Variants in ZNF248 observed in about 807,000 individuals in gnomAD.
The protein encoded by ZNF248 is KRAB protein domain.
ZNF248 carries 20 observed loss-of-function variants against 44.3 expected under a neutral mutation model. That is an observed-to-expected ratio of 0.45 (90% CI 0.32 to 0.66). The LOEUF (loss-of-function observed/expected upper bound fraction) is 0.66, where lower values mean the gene tolerates loss of function less well. ZNF248 is among the 30% of genes least tolerant of loss of function. ZNF248 has a pLI of 0.04. For missense variants in ZNF248, 654 were observed against 677.0 expected, an observed-to-expected ratio of 0.97 and a Z score of 0.38; for synonymous variants, 224 against 229.0, an observed-to-expected ratio of 0.98 and a Z score of 0.20.
intron 6 of ZNF248, among the ~76,000 whole-genome samples, chr10:37,816,051 A>G (rs2052406369): frequency 6.6e-6 from 1 of 152,034 alleles, no homozygotes; most frequent in Admixed American, 6.5e-5. Flanking sequence ...AAGTCTTTAA[A>G]TCCTCAGGAA....
At chr10:37,771,953 A>G (rs569833120), downstream of ZNF248, among the ~76,000 whole-genome samples, 94 of 152,148 alleles carry the variant, frequency 6.2e-4, no homozygotes, top group African/African-American at 2.2e-3. Context: ...AACCCCTAAG[A>G]CATTTTGCAA....
Position 37,828,991 on chromosome 10 carries a change from AT to A in ZNF248, c.*2623del, listed in dbSNP as rs2054897307. On this transcript the variant is annotated 3_prime_UTR_variant, in exon 6 of 6. Coordinates refer to ENST00000395867, the MANE Select transcript of ZNF248 (RefSeq NM_021045.3). The stretch of plus-strand genomic sequence containing the variant: ...AACTTGCAACTAGTAGAATAACTTT[AT>A]TTCTAACACTGAGCCTTCTACATAG... 2.0e-6 allele frequency: 2 copies of A among 985,488 alleles called. No individual in the cohort carries two copies. The highest frequency in any genetic ancestry group is 2.4e-6 in the Non-Finnish European group (2 of 829,940). 61.0% of individuals were successfully genotyped at this position (985,488 alleles called of 1,614,324 possible).
the ZNF248 span, among the ~76,000 whole-genome samples, chr10:37,758,835 A>AC: frequency 6.6e-6 from 1 of 152,204 alleles, no homozygotes; most frequent in Non-Finnish European, 1.5e-5. Flanking sequence ...ATGTAGCTTA[A>AC]CTGTAAAATC....
downstream of ZNF248, among the ~76,000 whole-genome samples, chr10:37,823,993 C>A (rs1148282): frequency 1.3e-5 from 2 of 151,928 alleles, no homozygotes; most frequent in African/African-American, 4.8e-5. Context: ...GTCAGTTTTC[C>A]AGAAAAATTG....
chr10:37,837,909 T>C (rs760168248), intron 4 of ZNF248, 76 bp downstream of exon 4: 2 of 1,556,046 alleles, frequency 1.3e-6, no homozygotes, highest in Non-Finnish European at 1.7e-6. Flanking sequence ...ATCTCAAGCT[T>C]TACATCAGAA....
the ZNF248 span, among the ~76,000 whole-genome samples, chr10:37,767,093 G>A: frequency 2.4e-4 from 37 of 152,238 alleles, no homozygotes; most frequent in African/African-American, 8.7e-4. Context: ...AAAAAGAAAC[G>A]AGCAAAGCCT....
Position 37,820,010 on chromosome 10 carries a change from C to T in ZNF248, c.330+13015G>A, listed in dbSNP as rs2053199527. On this transcript the variant is annotated intron_variant, in intron 6 of 6. Transcript: ENST00000615949. ...CTCTTATCTCTACATGCCATCTTCTCTTTTTGACTTTTCTATGAGGACTTT... is the reference window on the plus strand; with the variant it reads ...CTCTTATCTCTACATGCCATCTTCTTTTTTTGACTTTTCTATGAGGACTTT... The T allele has an allele frequency of 3.8e-6, 3 of 782,078 alleles. No individual in the cohort carries two copies. In the African/African-American group the frequency reaches 5.1e-5, roughly 13 times the overall value. The allele number at this position is 782,078 out of a possible 1,614,324, so 48.4% of individuals were successfully genotyped here.
intron 6 of ZNF248, among the ~76,000 whole-genome samples, chr10:37,792,550 C>G (rs562730432): frequency 6.6e-6 from 1 of 152,254 alleles, no homozygotes; most frequent in Admixed American, 6.5e-5. Flanking sequence ...AACACTGTAA[C>G]TTTACAGGTG....
rs1031633812 is a variant in ZNF248 at position 37,779,125 on chromosome 10, A to G, written c.331-2550T>C. The stretch of plus-strand genomic sequence containing the variant: ...TACCATTCCTTCTGAAACTATTCCA[A>G]TCAATAGAAAAAGAGGGAATCCTCC... On this transcript the variant is annotated intron_variant, in intron 6 of 6. Coordinates refer to the ZNF248 transcript ENST00000615949. Among the ~76,000 whole-genome samples the G allele has an allele frequency of 4.0e-3, 598 of 151,126 alleles. 7 individuals are homozygous for G. Among genetic ancestry groups the G allele is most frequent in the African/African-American group, 0.014 (568 of 41,486 alleles).
chr10:37,767,274 C>A, the ZNF248 span, among the ~76,000 whole-genome samples: 193 of 152,122 alleles, frequency 1.3e-3, no homozygotes, highest in Non-Finnish European at 2.3e-3. Context: ...ATATAGAGAA[C>A]GCCACAAAGA....
chr10:37,795,780 T>C (rs2049083400), intron 6 of ZNF248: 1 of 152,252 alleles, frequency 6.6e-6, no homozygotes, highest in Non-Finnish European at 1.5e-5. Flanking sequence ...CAAATTTTTA[T>C]CATATGAATC....
intron 6 of ZNF248, among the ~76,000 whole-genome samples, chr10:37,790,104 A>C (rs2048321082): frequency 7.7e-6 from 1 of 129,174 alleles, no homozygotes; most frequent in South Asian, 2.4e-4. Context: ...TACTGAAAAT[A>C]CAAAAAAAAA....
intron 6 of ZNF248, among the ~76,000 whole-genome samples, chr10:37,788,205 C>T (rs1301193305): frequency 6.9e-6 from 1 of 145,208 alleles, no homozygotes; most frequent in African/African-American, 2.6e-5. Context: ...GTGGAGGTTG[C>T]AGTGAGCCAA....
rs558665178 is a variant in ZNF248, at chr10:37,830,432, G to A, written c.*1183C>T. The A allele has an allele frequency of 3.7e-3, 3,641 of 985,304 alleles. 7 individuals are homozygous for A. The highest frequency in any genetic ancestry group is 3.9e-3 in the Non-Finnish European group (3,203 of 829,930). 61.0% of individuals were successfully genotyped at this position (985,304 alleles called of 1,614,324 possible). On this transcript the variant is annotated 3_prime_UTR_variant, in exon 6 of 6. Transcript: ENST00000395867. ...AAACATATACTGGCCAACCTACAAA[G>A]AGACTCCGGTAGTATTTAGAGTAGG...
intron 6 of ZNF248, among the ~76,000 whole-genome samples, chr10:37,779,963 G>A (rs1209949977): frequency 2.0e-5 from 3 of 150,656 alleles, no homozygotes; most frequent in African/African-American, 7.3e-5. Flanking sequence ...TACAAGGGAT[G>A]TGAAGGACCT....
the ZNF248 span, among the ~76,000 whole-genome samples, chr10:37,759,188 AC>A: frequency 1.3e-5 from 2 of 152,208 alleles, no homozygotes; most frequent in Non-Finnish European, 2.9e-5. Flanking sequence ...TGGTTGCTAG[AC>A]CCATGTAAAA....
chr10:37,832,566 A>C lies in ZNF248; in HGVS notation c.789T>G (p.Pro263=), dbSNP rs144561881. Residue 263 remains proline (P), a synonymous_variant, in exon 6 of 6, where the codon CCT becomes CCG. Transcript: ENST00000395867. The part of the protein sequence containing the change: ...ESLKLNISQR[P]HLEMEPYGCS... ...ATCCATACGGCTCCATTTCCAAATG[A>C]GGTCTTTGAGATATATTCAGCTTTA... The C allele has an allele frequency of 6.2e-7, 1 of 1,613,828 alleles. No individual in the cohort carries two copies.
At chr10:37,834,882 A>T (rs2056783653) in intron 5 of ZNF248, among the ~76,000 whole-genome samples, 1 of 152,234 alleles carries the variant, frequency 6.6e-6, no homozygotes, top group South Asian at 2.1e-4. Context: ...ACGGGATTTG[A>T]CATAAATTTT....
intron 6 of ZNF248, among the ~76,000 whole-genome samples, chr10:37,818,255 G>C (rs2052866633): frequency 6.6e-6 from 1 of 152,128 alleles, no homozygotes; most frequent in Non-Finnish European, 1.5e-5. Flanking sequence ...TTCATCTGAA[G>C]CATTGCATCA....
Sources: gnomAD v4.1 joint callset for allele counts (sites outside exome capture counted in the v4.1 genomes callset) on GRCh38, gnomAD v4.1.1 for gene constraint, MANE v1.5 for transcripts, NCBI Gene and HGNC (gene_info 2026-07-23, HGNC 2026-07-21) for gene names.